ALG3: variants seen among roughly 807,000 people sequenced by gnomAD.
ALG3 encodes the protein dol-P-Man:Man(5)GlcNAc(2)-PP-Dol alpha-1,3-mannosyltransferase.
In ALG3, 39 loss-of-function variants were observed where a neutral mutation model predicts 50.5. The observed-to-expected ratio is 0.77, with a 90% CI of 0.60 to 1.01. The LOEUF (loss-of-function observed/expected upper bound fraction) is 1.01. Ranked by LOEUF, ALG3 falls within the 50% of genes least tolerant of loss-of-function variation. The probability of loss-of-function intolerance (pLI) is 0.00; values close to 1 mark genes in which losing one functional copy is unlikely to be tolerated. For missense variants in ALG3, 520 were observed against 554.8 expected, an observed-to-expected ratio of 0.94 and a Z score of 0.63; for synonymous variants, 252 against 237.2, an observed-to-expected ratio of 1.06 and a Z score of -0.58.
At position 184,245,568 on chromosome 3, in the gene ALG3, G is replaced by A. The variant is rs1260779833; in HGVS notation, c.344C>T (p.Thr115Ile). 1 of 1,613,848 alleles carries A rather than the reference G, an allele frequency of 6.2e-7. No individual in the cohort carries two copies. The change falls in exon 3 of 9, where the codon ACC (threonine) becomes ATC (isoleucine). Residue 115 changes from threonine (T) to isoleucine (I), a missense_variant. By Grantham distance (89) the Thr-to-Ile change is moderately conservative. This residue lies in a region of ALG3 where 290 missense variants were observed against 265.9 expected (regional missense o/e 1.09). Transcript: ENST00000397676. ...CATGCGGATGTCAGTGCCTCGGCTGGTGGCATAGTACAACCCCATAAAGAT... is the reference window on the plus strand; with the variant it reads ...CATGCGGATGTCAGTGCCTCGGCTGATGGCATAGTACAACCCCATAAAGAT... ...VYIFMGLYYA[T>I]SRGTDIRMAQ...
chr3:184,248,777 C>A lies in ALG3; in HGVS notation c.164G>T (p.Gly55Val). 5.1e-6 allele frequency: 8 copies of A among 1,562,400 alleles called. No homozygotes were observed. Among genetic ancestry groups the A allele is most frequent in the Non-Finnish European group, 7.0e-6 (8 of 1,150,240 alleles). The change falls in exon 1 of 9, where the codon GGC (glycine) becomes GTC (valine). Residue 55 changes from glycine to valine, a missense_variant. Gly to Val is a moderately radical substitution (Grantham distance 109). Around this residue, in one of 3 missense-constraint regions of ALG3, gnomAD observed 290 missense variants for 265.9 expected, o/e 1.09. Transcript: ENST00000397676. ...VAACLCLAEV[G>V]ITFWVIHRVA... ...CCTGTGAATGACCCAGAAGGTGATG[C>A]CCACCTCCGCCAGGCAGAGGCAGGC...
chr3:184,244,593 G>A lies in ALG3; in HGVS notation c.726+8C>T, dbSNP rs1719023869. 1 of 1,606,842 alleles carries A rather than the reference G, an allele frequency of 6.2e-7. No individual in the cohort carries two copies. Among genetic ancestry groups the A allele is most frequent in the African/African-American group, 1.3e-5 (1 of 74,738 alleles). ...TGATTAGAAAGAGGAAGGGTGAGAT[G>A]GGGGTACCTGAAGGCCAGCACAGAT... On this transcript the variant is annotated splice_region_variant and intron_variant, in intron 5 of 8. Transcript: ENST00000397676.
chr3:184,246,250 T>C (rs1719145953), intron 1 of ALG3, among the ~76,000 whole-genome samples: 1 of 152,198 alleles, frequency 6.6e-6, no homozygotes, highest in Non-Finnish European at 1.5e-5. Flanking sequence ...GAGTATACAA[T>C]AGCCTGCTAA....
At position 184,243,650 on chromosome 3, in the gene ALG3, A is replaced by G. The variant is rs746841329; in HGVS notation, c.933-20T>C. 6.2e-7 allele frequency: 1 copy of G among 1,613,500 alleles called. No individual in the cohort carries two copies. Among genetic ancestry groups the G allele is most frequent in the Non-Finnish European group, 8.5e-7 (1 of 1,179,652 alleles). ...CCTGTCCTGGAGAAAAGCCATTCAG[A>G]CAGTTATCAAGCCCCTTTTGTGAGT... On this transcript the variant is annotated intron_variant, in intron 6 of 8. Coordinates refer to ENST00000397676, the MANE Select transcript of ALG3 (RefSeq NM_005787.6).
intron 1 of ALG3, among the ~76,000 whole-genome samples, chr3:184,247,750 G>A (rs1395710859): frequency 6.6e-6 from 1 of 152,094 alleles, no homozygotes; most frequent in Non-Finnish European, 1.5e-5. Flanking sequence ...GACTTCCTAT[G>A]CCCTTTATGG....
chr3:184,243,125 G>A, intron 7 of ALG3, 168 bp from the exon 8 acceptor site: 2 of 898,884 alleles, frequency 2.2e-6, no homozygotes, highest in South Asian at 1.7e-5. Context: ...ACCAAATATG[G>A]AATATGGAGA....
intron 1 of ALG3, among the ~76,000 whole-genome samples, chr3:184,246,752 C>A (rs1719175118): frequency 1.3e-5 from 2 of 151,774 alleles, no homozygotes; most frequent in Admixed American, 1.3e-4. Context: ...TCTCAGCTCA[C>A]TGCAACCTCC....
Position 184,245,310 on chromosome 3 carries a change from G to C in ALG3, c.493C>G (p.His165Asp), listed in dbSNP as rs1265250803. 6.2e-7 allele frequency: 1 copy of C among 1,613,360 alleles called. No individual in the cohort carries two copies. The highest frequency in any genetic ancestry group is 1.3e-5 in the African/African-American group (1 of 75,032). ...AAGAGCCGCAGCACAAAGATGGAGT[G>C]GACACGGTAAGAGGCGCAGCACATG... Reference protein sequence around the residue: ...FFMCCASYRVHSIFVLRLFND... With the variant: ...FFMCCASYRVDSIFVLRLFND... The change falls in exon 4 of 9, where the codon CAC becomes GAC. Residue 165 changes from histidine (H) to aspartate (D), a missense_variant. His to Asp is a moderately conservative substitution (Grantham distance 81). Transcript: ENST00000397676.
At chr3:184,248,371 C>G (rs1719294260) in intron 1 of ALG3, among the ~76,000 whole-genome samples, 1 of 152,096 alleles carries the variant, frequency 6.6e-6, no homozygotes, top group Non-Finnish European at 1.5e-5. Context: ...AAGGGACGTT[C>G]AAAGATCACA....
rs1306155167 is a variant in ALG3, at chr3:184,248,729, C to T, written c.196+16G>A. The T allele has an allele frequency of 4.6e-6, 7 of 1,536,710 alleles. No homozygotes were observed. Among genetic ancestry groups the T allele is most frequent in the Admixed American group, 2.0e-5 (1 of 50,638 alleles). ...GGTCTCCCTCCCTCCCCTCCCCTCCCCCTCGGCGCACTCACATGCCACCCT... is the reference window on the plus strand; with the variant it reads ...GGTCTCCCTCCCTCCCCTCCCCTCCTCCTCGGCGCACTCACATGCCACCCT... On this transcript the variant is annotated intron_variant, in intron 1 of 8. Transcript: ENST00000397676.
intron 1 of ALG3, among the ~76,000 whole-genome samples, chr3:184,247,649 C>A (rs1424999714): frequency 1.3e-5 from 2 of 152,092 alleles, no homozygotes; most frequent in Non-Finnish European, 2.9e-5. Context: ...TCCTTCCCCT[C>A]ACCTTTTTCT....
intron 1 of ALG3, among the ~76,000 whole-genome samples, chr3:184,247,636 C>G (rs925788873): frequency 1.3e-5 from 2 of 151,892 alleles, no homozygotes; most frequent in Non-Finnish European, 2.9e-5. Context: ...CTGTCCACAG[C>G]ACTCCTTCCC....
At chr3:184,243,442 G>T in intron 7 of ALG3, 112 bp downstream of exon 7, 1 of 916,300 alleles carries the variant, frequency 1.1e-6, no homozygotes, top group Non-Finnish European at 1.8e-6. Flanking sequence ...GGACTTCTAT[G>T]ATTGGGGTCC....
upstream of ALG3, chr3:184,249,052 TA>T: frequency 6.7e-7 from 1 of 1,503,028 alleles, no homozygotes; most frequent in East Asian, 2.5e-5. Flanking sequence ...CCGATCCGAG[TA>T]GCCAGTCTTC....
chr3:184,242,397 C>T lies in ALG3; in HGVS notation c.*117G>A. 7.6e-7 allele frequency: 1 copy of T among 1,312,626 alleles called. No homozygotes were observed. The allele number at this position is 1,312,626 out of a possible 1,614,324, so 81.3% of individuals were successfully genotyped here. On this transcript the variant is annotated 3_prime_UTR_variant, in exon 9 of 9. Coordinates refer to ENST00000397676, the MANE Select transcript of ALG3 (RefSeq NM_005787.6). ...CAGCCTGGACCAGGCATCGGCTGCC[C>T]CCACCTCCATGTAGGTTGCACAGAG... is the stretch of plus-strand genomic sequence containing the variant.
upstream of ALG3, chr3:184,249,135 G>A (rs1719383491): frequency 2.0e-6 from 3 of 1,511,834 alleles, no homozygotes; most frequent in Non-Finnish European, 2.7e-6. Flanking sequence ...TAGGAGCAGG[G>A]ACAATGTCTT....
chr3:184,246,735 G>A (rs1013022880), intron 1 of ALG3, among the ~76,000 whole-genome samples: 2 of 150,808 alleles, frequency 1.3e-5, no homozygotes, highest in Admixed American at 6.6e-5. Context: ...GGAGTGCAGT[G>A]GTACGATCTC....
rs369544533 is a variant in ALG3, at chr3:184,242,679, G to A, written c.1155-3C>T. The A allele has an allele frequency of 3.2e-6, 5 of 1,560,410 alleles. No homozygotes were observed. In the South Asian group the frequency reaches 3.7e-5, roughly 11 times the overall value. Reference sequence around the variant, plus strand: ...CGATGAGCCCCAGCACCAACAACCTGGAGATGAGAAACAGGTTCCACGTTT... The same window carrying A: ...CGATGAGCCCCAGCACCAACAACCTAGAGATGAGAAACAGGTTCCACGTTT... On this transcript the variant is annotated splice_region_variant and splice_polypyrimidine_tract_variant and intron_variant, in intron 8 of 8. Transcript: ENST00000397676.
In ALG3 at chr3:184,245,600, G is replaced by A. The variant is rs767923381; in HGVS notation, c.312C>T (p.Phe104=). 8.6e-5 allele frequency: 138 copies of A among 1,613,028 alleles called. No homozygotes were observed. Among genetic ancestry groups the A allele is most frequent in the African/African-American group, 2.3e-4 (17 of 74,904 alleles). ...DTGPLVYPAG[F]VYIFMGLYYA... ...AGTACAACCCCATAAAGATGTACAC[G>A]AAACCAGCTGGGTACCTGGAAGATG... The change falls in exon 3 of 9, where the codon TTC becomes TTT. Residue 104 remains phenylalanine, a synonymous_variant. Coordinates refer to ENST00000397676, the MANE Select transcript of ALG3 (RefSeq NM_005787.6).
Sources: gnomAD v4.1 joint callset for allele counts (sites outside exome capture counted in the v4.1 genomes callset) on GRCh38, gnomAD v4.1.1 for gene constraint, gnomAD v4.1.1 regional missense constraint, MANE v1.5 for transcripts, NCBI Gene and HGNC (gene_info 2026-07-23, HGNC 2026-07-21) for gene names.